ANO3: variants seen among roughly 807,000 people sequenced by gnomAD.
ANO3 encodes anoctamin-3.
Under a neutral mutation model 144.8 loss-of-function variants are expected in ANO3, and 99 were observed. The observed-to-expected ratio is 0.68, with a 90% confidence interval of 0.58 to 0.81. The LOEUF is 0.81. ANO3 is among the 30% of genes least tolerant of loss of function. The pLI, the probability that ANO3 is intolerant of heterozygous loss-of-function variation, is 0.00. For missense variants in ANO3, 905 were observed against 1,202.2 expected (o/e 0.75, Z 3.66); for synonymous variants, 414 against 392.6 (o/e 1.05, Z -0.64).
At chr11:26,475,797 G>C (rs1375277950) in intron 4 of ANO3, among the ~76,000 whole-genome samples, 2 of 151,928 alleles carry the variant, frequency 1.3e-5, no homozygotes. Context: ...AGTAAAATGA[G>C]AGACTAAATT....
intron 1 of ANO3, among the ~76,000 whole-genome samples, chr11:26,285,091 T>G (rs1049489570): frequency 6.6e-6 from 1 of 150,530 alleles, no homozygotes; most frequent in Non-Finnish European, 1.5e-5. Flanking sequence ...TTATTTACTG[T>G]GTACAATTTT....
intron 1 of ANO3, among the ~76,000 whole-genome samples, chr11:26,223,727 C>T (rs540343198): frequency 6.6e-6 from 1 of 151,656 alleles, no homozygotes; most frequent in Non-Finnish European, 1.5e-5. Context: ...TCTGGTGAGA[C>T]CTCAGGTCGT....
At chr11:26,458,838 C>A (rs1177235086) in intron 3 of ANO3, among the ~76,000 whole-genome samples, 1 of 152,056 alleles carries the variant, frequency 6.6e-6, no homozygotes, top group Non-Finnish European at 1.5e-5. Flanking sequence ...TGTATACATT[C>A]AATGCCCGAT....
At chr11:26,242,938 C>T (rs1852692690) in intron 1 of ANO3, among the ~76,000 whole-genome samples, 1 of 152,112 alleles carries the variant, frequency 6.6e-6, no homozygotes, top group East Asian at 1.9e-4. Flanking sequence ...CAACATTTCT[C>T]AATTTTAGTG....
intron 4 of ANO3, among the ~76,000 whole-genome samples, chr11:26,475,950 T>TA (rs1404910307): frequency 1.3e-5 from 2 of 151,916 alleles, no homozygotes; most frequent in Admixed American, 6.6e-5. Flanking sequence ...GAGGGCTGGT[T>TA]AAAAAAATAG....
At chr11:26,634,035 G>A (rs1852869591) in intron 18 of ANO3, among the ~76,000 whole-genome samples, 169 bp from the exon 19 acceptor site, 1 of 145,730 alleles carries the variant, frequency 6.9e-6, no homozygotes, top group Non-Finnish European at 1.5e-5. Flanking sequence ...CCAAGATTGT[G>A]CCACTGTATT....
At chr11:26,660,167 T>C (rs1352316858) in intron 26 of ANO3, 95 bp from the exon 27 acceptor site, 6 of 1,148,348 alleles carry the variant, frequency 5.2e-6, no homozygotes, top group Non-Finnish European at 7.7e-6. Context: ...TGATGCTTGA[T>C]TCAAGGCAAA....
At chr11:26,565,467 A>C (rs1219725847) in intron 14 of ANO3, 7 of 1,613,340 alleles carry the variant, frequency 4.3e-6, no homozygotes, top group Non-Finnish European at 5.9e-6. Flanking sequence ...GATGGGCAAA[A>C]GATCTTCATC....
intron 1 of ANO3, among the ~76,000 whole-genome samples, chr11:26,333,990 A>T (rs1346527432): frequency 6.6e-6 from 1 of 152,202 alleles, no homozygotes; most frequent in African/African-American, 2.4e-5. Flanking sequence ...CATTTCTGGG[A>T]TCTGGAAGCT....
intron 1 of ANO3, among the ~76,000 whole-genome samples, chr11:26,415,860 T>C (rs1454500816): frequency 6.6e-6 from 1 of 152,108 alleles, no homozygotes; most frequent in African/African-American, 2.4e-5. Flanking sequence ...TAGATCATTA[T>C]TCTATAGTCA....
intron 3 of ANO3, among the ~76,000 whole-genome samples, chr11:26,453,786 A>G (rs930519610): frequency 2.6e-5 from 4 of 152,178 alleles, no homozygotes; most frequent in Admixed American, 6.5e-5. Context: ...CATTTTTTTC[A>G]GCACCACACC....
chr11:26,193,318 T>G (rs748105322), intron 1 of ANO3, among the ~76,000 whole-genome samples: 4 of 151,932 alleles, frequency 2.6e-5, no homozygotes, highest in Admixed American at 6.6e-5. Context: ...ATTTTTGTAT[T>G]TTTACTAGAG....
At chr11:26,368,750 A>T (rs1250742691) in intron 1 of ANO3, among the ~76,000 whole-genome samples, 1 of 151,550 alleles carries the variant, frequency 6.6e-6, no homozygotes, top group East Asian at 1.9e-4. Context: ...CTAGAAGGAA[A>T]TACATCAATC....
At chr11:26,228,849 G>A (rs1429479593) in intron 1 of ANO3, among the ~76,000 whole-genome samples, 3 of 152,174 alleles carry the variant, frequency 2.0e-5, no homozygotes, top group African/African-American at 7.2e-5. Flanking sequence ...ATAGCACTTG[G>A]TGGGAGACGG....
intron 14 of ANO3, among the ~76,000 whole-genome samples, chr11:26,593,969 T>A (rs1851531751): frequency 6.6e-6 from 1 of 152,164 alleles, no homozygotes; most frequent in South Asian, 2.1e-4. Flanking sequence ...GGCGGACTTT[T>A]GAAGTTTTTT....
intron 1 of ANO3, among the ~76,000 whole-genome samples, chr11:26,395,457 C>A (rs1185398372): frequency 6.6e-6 from 1 of 152,096 alleles, no homozygotes; most frequent in East Asian, 1.9e-4. Context: ...TTTCCTTGAG[C>A]AGTGGTTTGT....
At chr11:26,623,767 AATTTTTATTT>A (rs1852491155) in intron 17 of ANO3, among the ~76,000 whole-genome samples, 2 of 151,388 alleles carry the variant, frequency 1.3e-5, no homozygotes, top group African/African-American at 2.4e-5. Flanking sequence ...TTTAATTTTT[AATTTTTATTT>A]ATTTTTATTT....
At chr11:26,193,136 C>CTTTTTTT (rs34069836) in intron 1 of ANO3, among the ~76,000 whole-genome samples, 13 of 82,580 alleles carry the variant, frequency 1.6e-4, no homozygotes, top group East Asian at 8.6e-4. Context: ...TTTTGCCTAT[C>CTTTTTTT]TTTTTTTTTT....
At chr11:26,591,742 C>T (rs541798126) in intron 14 of ANO3, among the ~76,000 whole-genome samples, 2 of 152,232 alleles carry the variant, frequency 1.3e-5, no homozygotes, top group African/African-American at 4.8e-5. Flanking sequence ...TGGGGATCCA[C>T]GATTCTAGTT....
Sources: allele counts gnomAD v4.1 joint callset (sites outside exome capture counted in the v4.1 genomes callset), GRCh38; gene constraint gnomAD v4.1.1; transcripts MANE v1.5; gene names NCBI Gene and HGNC (gene_info 2026-07-23, HGNC 2026-07-21).